The following GXYLT2 variants were observed in gnomAD, a reference collection of about 807,000 sequenced individuals.
GXYLT2 encodes glucoside xylosyltransferase 2.
GXYLT2 carries 53 observed loss-of-function variants against 45.8 expected under a neutral mutation model. The ratio of observed to expected loss-of-function variants is 1.16; its 90% CI spans 0.93 to 1.46. The LOEUF (loss-of-function observed/expected upper bound fraction) is 1.46, where lower values mean the gene tolerates loss of function less well. GXYLT2 is among the 40% of genes most tolerant of loss of function. The pLI, the probability that GXYLT2 is intolerant of heterozygous loss-of-function variation, is 0.00. For synonymous variants in GXYLT2, 219 were observed against 214.2 expected, an observed-to-expected ratio of 1.02 and a Z score of -0.19; for missense variants, 551 against 544.4, an observed-to-expected ratio of 1.01 and a Z score of -0.12.
intron 3 of GXYLT2, among the ~76,000 whole-genome samples, chr3:72,951,752 C>G (rs1237220543): frequency 1.3e-5 from 2 of 152,184 alleles, no homozygotes; most frequent in Non-Finnish European, 2.9e-5. Context: ...AGTCAATATT[C>G]AGAATTCTTC....
At chr3:72,948,538 A>G (rs762226890) in intron 3 of GXYLT2, among the ~76,000 whole-genome samples, 25 of 152,314 alleles carry the variant, frequency 1.6e-4, no homozygotes, top group South Asian at 4.1e-4. Context: ...ACAAGTCACA[A>G]TGGAAATTAA....
intron 1 of GXYLT2, among the ~76,000 whole-genome samples, chr3:72,893,831 A>G (rs1709230187): frequency 6.6e-6 from 1 of 151,682 alleles, no homozygotes; most frequent in South Asian, 2.1e-4. Context: ...TTTATTTTTT[A>G]TTACTTTTAT....
chr3:72,909,987 C>G (rs376270734), intron 2 of GXYLT2, among the ~76,000 whole-genome samples: 3 of 151,998 alleles, frequency 2.0e-5, no homozygotes. Context: ...ACATCTTTAC[C>G]AAGAGAAACC....
chr3:72,900,281 A>G (rs1709379466), intron 1 of GXYLT2, among the ~76,000 whole-genome samples: 3 of 152,218 alleles, frequency 2.0e-5, no homozygotes, highest in African/African-American at 7.2e-5. Flanking sequence ...GAGAGGAAGC[A>G]TGGAAGTTGC....
chr3:72,900,979 C>T (rs1709391410), intron 1 of GXYLT2, among the ~76,000 whole-genome samples: 1 of 151,384 alleles, frequency 6.6e-6, no homozygotes, highest in African/African-American at 2.4e-5. Flanking sequence ...ATGGTGCAAC[C>T]CCATCTCTAC....
intron 6 of GXYLT2, among the ~76,000 whole-genome samples, chr3:72,972,085 C>G (rs1405165101): frequency 3.3e-5 from 5 of 151,728 alleles, no homozygotes; most frequent in Non-Finnish European, 7.4e-5. Flanking sequence ...TTTCTCCCTT[C>G]ATCTGTCTCT....
chr3:72,888,612 A>T (rs1033238813), intron 1 of GXYLT2, 104 bp downstream of exon 1: 1 of 818,854 alleles, frequency 1.2e-6, no homozygotes, highest in Non-Finnish European at 1.5e-6. Flanking sequence ...CAGATTTCCA[A>T]GTTTCACCCA....
chr3:72,914,951 C>T (rs1289688186), intron 2 of GXYLT2, among the ~76,000 whole-genome samples: 1 of 151,920 alleles, frequency 6.6e-6, no homozygotes, highest in African/African-American at 2.4e-5. Flanking sequence ...TTTGGGAGGC[C>T]AAGGCAGGCT....
intron 1 of GXYLT2, among the ~76,000 whole-genome samples, chr3:72,905,700 G>A (rs1709497780): frequency 6.6e-6 from 1 of 152,164 alleles, no homozygotes; most frequent in Admixed American, 6.6e-5. Context: ...GCTCTATGTT[G>A]CCAAATGGCT....
chr3:72,888,553 C>T (rs1709113634), intron 1 of GXYLT2, 45 bp downstream of exon 1: 2 of 1,153,946 alleles, frequency 1.7e-6, no homozygotes, highest in Non-Finnish European at 2.1e-6. Flanking sequence ...ACCCGTGTCT[C>T]GCTCCCTACA....
chr3:72,921,932 C>T (rs571864092), intron 2 of GXYLT2, among the ~76,000 whole-genome samples: 2 of 152,056 alleles, frequency 1.3e-5, no homozygotes, highest in Non-Finnish European at 2.9e-5. Context: ...TACCAGTTTC[C>T]AAGTTAACCT....
At chr3:72,901,029 C>G (rs1709392190) in intron 1 of GXYLT2, among the ~76,000 whole-genome samples, 1 of 151,956 alleles carries the variant, frequency 6.6e-6, no homozygotes. Context: ...TGGCTCACCC[C>G]TGTAATCCCA....
intron 3 of GXYLT2, among the ~76,000 whole-genome samples, chr3:72,927,999 C>G (rs534976074): frequency 4.3e-4 from 65 of 152,342 alleles, no homozygotes; most frequent in African/African-American, 1.5e-3. Context: ...ACAGCTAGAT[C>G]CAGAGGCTAA....
rs555324240 is a variant in GXYLT2 at position 72,971,955 on chromosome 3, A to G, written c.1150-3022A>G. On this transcript the variant is annotated intron_variant, in intron 6 of 6. Transcript: ENST00000389617. The stretch of plus-strand genomic sequence containing the variant: ...CAGAGTGACACTCCATCTAAAAAAA[A>G]AAAAAAAAAGATATAAGGAAGTTGT... Among the ~76,000 whole-genome samples, 503 of 152,214 alleles carry G rather than the reference A, an allele frequency of 3.3e-3. 2 individuals are homozygous for G. The highest frequency in any genetic ancestry group is 0.012 in the African/African-American group (481 of 41,526).
chr3:72,974,049 A>T (rs1711045895), intron 6 of GXYLT2, among the ~76,000 whole-genome samples: 1 of 152,200 alleles, frequency 6.6e-6, no homozygotes, highest in South Asian at 2.1e-4. Context: ...GAGTGTACTG[A>T]TCTTTAACCA....
intron 2 of GXYLT2, among the ~76,000 whole-genome samples, chr3:72,919,586 C>G (rs1352878652): frequency 6.6e-6 from 1 of 152,206 alleles, no homozygotes; most frequent in Non-Finnish European, 1.5e-5. Flanking sequence ...GAAACCTCAT[C>G]TCTACTAAAA....
chr3:72,971,832 C>T (rs191390524), intron 6 of GXYLT2, among the ~76,000 whole-genome samples: 3 of 132,850 alleles, frequency 2.3e-5, no homozygotes, highest in Admixed American at 1.5e-4. Context: ...GCCTGTAATC[C>T]CAGCTACTTG....
At chr3:72,924,850 A>AT (rs1709890699) in intron 3 of GXYLT2, among the ~76,000 whole-genome samples, 1 of 152,142 alleles carries the variant, frequency 6.6e-6, no homozygotes. Flanking sequence ...CAAAAAGGTA[A>AT]TTTCTTATGG....
intron 5 of GXYLT2, among the ~76,000 whole-genome samples, chr3:72,963,206 T>G (rs1559751426): frequency 1.3e-5 from 2 of 152,074 alleles, no homozygotes; most frequent in East Asian, 3.9e-4. Flanking sequence ...TGTATTACCA[T>G]GAAGTTAAAA....
Sources: gnomAD v4.1 joint callset for allele counts (sites outside exome capture counted in the v4.1 genomes callset) on GRCh38, gnomAD v4.1.1 for gene constraint, MANE v1.5 for transcripts, NCBI Gene and HGNC (gene_info 2026-07-23, HGNC 2026-07-21) for gene names.